Variants in CFAP53 observed in about 807,000 individuals in gnomAD.
CFAP53 encodes cilia and flagella associated protein 53.
Under a neutral mutation model 59.7 loss-of-function variants are expected in CFAP53, and 62 were observed. The ratio of observed to expected loss-of-function variants is 1.04; its 90% confidence interval spans 0.85 to 1.28. CFAP53 has a LOEUF of 1.28. Among genes scored for constraint, CFAP53 ranks in the 50% most tolerant of loss-of-function variants. The pLI, the probability that CFAP53 is intolerant of heterozygous loss-of-function variation, is 0.00. For missense variants in CFAP53, 629 were observed against 615.6 expected (o/e 1.02, Z -0.23); for synonymous variants, 218 against 205.7 (o/e 1.06, Z -0.51).
Position 50,266,442 on chromosome 18 carries a change from C to G in CFAP53, c.-38G>C. The G allele has an allele frequency of 6.2e-7, 1 of 1,606,062 alleles. No homozygotes were observed. The highest frequency in any genetic ancestry group is 8.5e-7 in the Non-Finnish European group (1 of 1,172,644). On this transcript the variant is annotated 5_prime_UTR_variant, in exon 1 of 8. Transcript: ENST00000398545. ...TTCGGGACGGGGGCGGCGTCCGCCG[C>G]GTTTCCCCCAACCGTGGCGACCTGC...
At chr18:50,248,236 TA>T (rs1359293265) in intron 5 of CFAP53, among the ~76,000 whole-genome samples, 2 of 152,080 alleles carry the variant, frequency 1.3e-5, no homozygotes, top group Non-Finnish European at 2.9e-5. Flanking sequence ...TCAAAATCAT[TA>T]GCCATTAGGG....
chr18:50,253,692 G>T (rs1455187889), intron 3 of CFAP53, among the ~76,000 whole-genome samples: 1 of 152,050 alleles, frequency 6.6e-6, no homozygotes, highest in Non-Finnish European at 1.5e-5. Flanking sequence ...TGAGGAAATG[G>T]AAGCACACAG....
intron 7 of CFAP53, among the ~76,000 whole-genome samples, chr18:50,234,124 T>G (rs1239290503): frequency 2.0e-5 from 3 of 152,072 alleles, no homozygotes; most frequent in African/African-American, 7.2e-5. Flanking sequence ...TCAACTATAA[T>G]CAAACACACC....
In CFAP53 at chr18:50,227,437, G is replaced by A; in HGVS notation, c.1489C>T (p.Leu497=). ...CGCATGGGATGAATGTTTTGAGGCA[G>A]CACTTGATGGGTGGACAGGACCTCC... The part of the protein sequence containing the change: ...VQEVLSTHQV[L]PQNIHPMRKA... Residue 497 remains leucine (L), a synonymous_variant, in exon 8 of 8, where the codon CTG becomes TTG. Transcript: ENST00000398545. 1 of 1,614,206 alleles carries A rather than the reference G, an allele frequency of 6.2e-7. No homozygotes were observed. The highest frequency in any genetic ancestry group is 8.5e-7 in the Non-Finnish European group (1 of 1,180,036).
intron 5 of CFAP53, among the ~76,000 whole-genome samples, chr18:50,247,764 T>C (rs1033745642): frequency 5.9e-5 from 9 of 152,144 alleles, no homozygotes; most frequent in African/African-American, 2.2e-4. Flanking sequence ...GGGAAATCTA[T>C]AGAGACACAA....
intron 5 of CFAP53, among the ~76,000 whole-genome samples, chr18:50,249,427 A>C (rs1461680265): frequency 6.6e-6 from 1 of 151,854 alleles, no homozygotes; most frequent in South Asian, 2.1e-4. Flanking sequence ...TTGAGGCTGA[A>C]GTATCAGTTG....
intron 7 of CFAP53, among the ~76,000 whole-genome samples, chr18:50,236,677 T>C (rs188689657): frequency 1.6e-3 from 250 of 152,272 alleles, no homozygotes; most frequent in African/African-American, 5.8e-3. Flanking sequence ...GATCCCTGAC[T>C]ACAGTCAGCA....
intron 5 of CFAP53, among the ~76,000 whole-genome samples, chr18:50,245,356 T>C (rs1168845650): frequency 7.4e-6 from 1 of 134,904 alleles, no homozygotes; most frequent in Non-Finnish European, 1.5e-5. Context: ...CAGTCCGCAG[T>C]CCGGCCTGGG....
intron 7 of CFAP53, among the ~76,000 whole-genome samples, chr18:50,230,031 T>C (rs2033564815): frequency 6.6e-6 from 1 of 152,116 alleles, no homozygotes; most frequent in Admixed American, 6.5e-5. Context: ...GTGGTGGGAT[T>C]ACAGGCATGA....
chr18:50,252,851 A>C (rs1241745001), intron 3 of CFAP53, among the ~76,000 whole-genome samples: 3 of 152,212 alleles, frequency 2.0e-5, no homozygotes, highest in Non-Finnish European at 4.4e-5. Context: ...TTGTCTCTAC[A>C]AAAGTTTTTA....
rs532063983 is a variant in CFAP53, at chr18:50,244,188, G to A, written c.997-1072C>T. ...GTAGATATTATTAAACACCTGATAT[G>A]GTTTGGCTCTGTGTCCCCATCCAAA... On this transcript the variant is annotated intron_variant, in intron 5 of 7. Coordinates refer to ENST00000398545, the MANE Select transcript of CFAP53 (RefSeq NM_145020.5). Among the ~76,000 whole-genome samples the A allele has an allele frequency of 9.9e-5, 15 of 152,268 alleles. 1 individual carries two copies. The highest frequency in any genetic ancestry group is 9.2e-4 in the Admixed American group (14 of 15,298).
chr18:50,238,590 A>C lies in CFAP53; in HGVS notation c.1316+13T>G. 1 of 1,595,832 alleles carries C rather than the reference A, an allele frequency of 6.3e-7. No individual in the cohort carries two copies. Among genetic ancestry groups the C allele is most frequent in the Non-Finnish European group, 8.6e-7 (1 of 1,166,578 alleles). On this transcript the variant is annotated intron_variant, in intron 7 of 7. Transcript: ENST00000398545. The stretch of plus-strand genomic sequence containing the variant: ...TTAGGTAGCAAATGATGATACAGAA[A>C]ACAAAATCATACCTTGCAAAATTCT...
intron 7 of CFAP53, among the ~76,000 whole-genome samples, chr18:50,231,117 A>G (rs1450155265): frequency 6.6e-6 from 1 of 152,154 alleles, no homozygotes; most frequent in Non-Finnish European, 1.5e-5. Flanking sequence ...ATCATCAAAC[A>G]CCTCGGCTGA....
intron 5 of CFAP53, among the ~76,000 whole-genome samples, chr18:50,250,255 G>A (rs1568156030): frequency 6.8e-6 from 1 of 148,128 alleles, no homozygotes; most frequent in Non-Finnish European, 1.5e-5. Flanking sequence ...AGAGAGAGAA[G>A]TTTAATTAAA....
At chr18:50,242,320 AAAGT>A (rs1251443031) in intron 6 of CFAP53, among the ~76,000 whole-genome samples, 2 of 152,240 alleles carry the variant, frequency 1.3e-5, no homozygotes, top group Non-Finnish European at 2.9e-5. Context: ...TTAAGAGATT[AAAGT>A]AAGACAGGCA....
intron 3 of CFAP53, among the ~76,000 whole-genome samples, chr18:50,252,907 T>C (rs559174570): frequency 1.3e-5 from 2 of 152,324 alleles, no homozygotes; most frequent in East Asian, 3.9e-4. Context: ...TCCTAGCTAC[T>C]TGGGAGACTG....
intron 7 of CFAP53, among the ~76,000 whole-genome samples, chr18:50,237,347 TATATACGCACAC>T (rs1410295695): frequency 3.7e-5 from 2 of 54,490 alleles, no homozygotes; most frequent in Admixed American, 3.2e-4. Flanking sequence ...TATATATATA[TATATACGCACAC>T]ATATATATAC....
chr18:50,238,998 GACAA>G lies in CFAP53; in HGVS notation c.1214-297_1214-294del, dbSNP rs746247908. On this transcript the variant is annotated intron_variant, in intron 6 of 7. Coordinates refer to ENST00000398545, the MANE Select transcript of CFAP53 (RefSeq NM_145020.5). ...TACTTCCTACTTTTCTCTCCTTGAAGACAAACAGTTCATTGCCATTCATATTAAT... is the reference window on the plus strand; with the variant it reads ...TACTTCCTACTTTTCTCTCCTTGAAGACAGTTCATTGCCATTCATATTAAT... Among the ~76,000 whole-genome samples, 5 of 150,840 alleles carry G rather than the reference GACAA, an allele frequency of 3.3e-5. No homozygotes were observed. In the South Asian group the frequency reaches 6.2e-4, roughly 19 times the overall value.
intron 3 of CFAP53, among the ~76,000 whole-genome samples, chr18:50,253,085 C>A (rs1206392836): frequency 6.6e-6 from 1 of 151,494 alleles, no homozygotes; most frequent in South Asian, 2.1e-4. Context: ...GGCACGATCT[C>A]GGCTCACTGC....
Sources: gnomAD v4.1 joint callset for allele counts (sites outside exome capture counted in the v4.1 genomes callset) on GRCh38, gnomAD v4.1.1 for gene constraint, MANE v1.5 for transcripts, NCBI Gene and HGNC (gene_info 2026-07-23, HGNC 2026-07-21) for gene names.